Variants in NFATC2 observed in about 807,000 individuals in gnomAD.
The protein encoded by NFATC2 is nuclear factor of activated T cells 2.
NFATC2 carries 22 observed loss-of-function variants against 87.3 expected under a neutral mutation model. The ratio of observed to expected loss-of-function variants is 0.25; its 90% CI spans 0.18 to 0.36. The LOEUF (loss-of-function observed/expected upper bound fraction) is 0.36. Among genes scored for constraint, NFATC2 ranks in the 10% least tolerant of loss-of-function variants. The pLI is 1.00. For missense variants in NFATC2, 1,149 were observed against 1,259.1 expected, an observed-to-expected ratio of 0.91 and a Z score of 1.32; for synonymous variants, 565 against 542.2, an observed-to-expected ratio of 1.04 and a Z score of -0.58.
At chr20:51,438,804 G>C (rs146544228) in intron 6 of NFATC2, among the ~76,000 whole-genome samples, 28 of 152,306 alleles carry the variant, frequency 1.8e-4, no homozygotes, top group Admixed American at 7.2e-4. Context: ...TTAGAAACTA[G>C]CCAGCCCTGC....
At chr20:51,485,854 G>A (rs1393175557) in intron 3 of NFATC2, among the ~76,000 whole-genome samples, 1 of 152,170 alleles carries the variant, frequency 6.6e-6, no homozygotes, top group Non-Finnish European at 1.5e-5. Flanking sequence ...CTATGGCTGG[G>A]TGACTTGTGG....
At chr20:51,515,976 C>CA (rs1353190758) in intron 3 of NFATC2, among the ~76,000 whole-genome samples, 1 of 151,668 alleles carries the variant, frequency 6.6e-6, no homozygotes, top group Non-Finnish European at 1.5e-5. Context: ...AGGCAAATAC[C>CA]AAAAAAAGTT....
chr20:51,398,781 T>C (rs1987631575), intron 9 of NFATC2, 51 bp from the exon 10 acceptor site: 1 of 1,251,988 alleles, frequency 8.0e-7, no homozygotes, highest in African/African-American at 1.5e-5. Context: ...AAAATCACCT[T>C]TGATCTCTCT....
At chr20:51,399,581 G>A (rs567371375) in intron 9 of NFATC2, among the ~76,000 whole-genome samples, 29 of 152,320 alleles carry the variant, frequency 1.9e-4, no homozygotes, top group South Asian at 4.1e-4. Context: ...TCCTTTCAGC[G>A]CTTATGCAGT....
At chr20:51,472,124 G>A (rs1473552734) in intron 5 of NFATC2, among the ~76,000 whole-genome samples, 1 of 152,178 alleles carries the variant, frequency 6.6e-6, no homozygotes, top group Non-Finnish European at 1.5e-5. Context: ...GCGTGGTAGT[G>A]GGTGCCTGTA....
intron 6 of NFATC2, among the ~76,000 whole-genome samples, chr20:51,445,611 C>T (rs931407953): frequency 6.6e-6 from 1 of 152,164 alleles, no homozygotes; most frequent in African/African-American, 2.4e-5. Flanking sequence ...CTATATTTTC[C>T]CCCCTAACTC....
At position 51,562,413 on chromosome 20, in the gene NFATC2, C is replaced by A; in HGVS notation, c.70+147G>T. ...CGCGGGCGCCCCTCCGCGGGCCCCGCTACCTGTGCGCCGAGGGCGAGCGGG... is the reference window on the plus strand; with the variant it reads ...CGCGGGCGCCCCTCCGCGGGCCCCGATACCTGTGCGCCGAGGGCGAGCGGG... On this transcript the variant is annotated intron_variant, in intron 1 of 10. Coordinates refer to the NFATC2 transcript ENST00000414705. This position sits in a 1 kb window ranked among gnomAD's most constrained non-coding sequence, Gnocchi z 5.8. 1 of 696,596 alleles carries A rather than the reference C, an allele frequency of 1.4e-6. No homozygotes were observed. Among genetic ancestry groups the A allele is most frequent in the East Asian group, 3.0e-5 (1 of 33,808 alleles). The allele number at this position is 696,596 out of a possible 1,614,324, so 43.2% of individuals were successfully genotyped here.
intron 10 of NFATC2, 29 bp downstream of exon 10, chr20:51,398,614 C>G: frequency 6.7e-7 from 1 of 1,502,826 alleles, no homozygotes; most frequent in Non-Finnish European, 9.0e-7. Flanking sequence ...AGCTGGAAAA[C>G]AAAAGGAGAA....
intron 3 of NFATC2, among the ~76,000 whole-genome samples, chr20:51,513,800 C>T (rs1158935669): frequency 6.6e-6 from 1 of 152,264 alleles, no homozygotes; most frequent in African/African-American, 2.4e-5. Context: ...GATGACAAGG[C>T]TCATACTGGA....
chr20:51,520,013 T>C (rs549782035), intron 2 of NFATC2, among the ~76,000 whole-genome samples: 6 of 152,212 alleles, frequency 3.9e-5, no homozygotes, highest in African/African-American at 1.4e-4. Context: ...CTGTATAAGC[T>C]GAGATCAATG....
chr20:51,551,957 G>A (rs2076937830), intron 1 of NFATC2, among the ~76,000 whole-genome samples: 2 of 152,056 alleles, frequency 1.3e-5, no homozygotes, highest in South Asian at 2.1e-4. Context: ...AACCTGGGAG[G>A]TGGAGCTTGC....
At chr20:51,435,101 C>T in intron 8 of NFATC2, 87 bp downstream of exon 8, 1 of 1,532,294 alleles carries the variant, frequency 6.5e-7, no homozygotes, top group Non-Finnish European at 8.8e-7. Flanking sequence ...TCCAAAGTTA[C>T]CCGGCTAGGA....
In NFATC2 at chr20:51,396,038, G is replaced by GTATATATATATA. The variant is rs1161908517; in HGVS notation, c.*44+2593_*44+2604dup. Among the ~76,000 whole-genome samples, 8 of 21,292 alleles carry GTATATATATATA rather than the reference G, an allele frequency of 3.8e-4. 1 individual carries two copies. Among genetic ancestry groups the GTATATATATATA allele is most frequent in the South Asian group, 1.4e-3 (1 of 718 alleles). 14.0% of individuals were successfully genotyped at this position (21,292 alleles called of 152,430 possible). A position where few individuals can be genotyped will look rare whatever the true frequency, so the allele number is the denominator to read the frequency against. ...GCTGTAGTTTGTCAGCTCCTAGTAT[G>GTATATATATATA]TATATATATATATATATATATATAT... On this transcript the variant is annotated intron_variant, in intron 10 of 10. Transcript: ENST00000371564.
chr20:51,542,668 C>G lies in NFATC2; in HGVS notation c.-169G>C. ...CGCGCCTGGCGCAGCGGGTCCTGGA[C>G]GCGCCCGGGGAAGCTGAGCGGCGGC... On this transcript the variant is annotated 5_prime_UTR_variant, in exon 1 of 11. Transcript: ENST00000371564. The G allele has an allele frequency of 1.8e-6, 2 of 1,119,904 alleles. No homozygotes were observed. The highest frequency in any genetic ancestry group is 1.7e-5 in the African/African-American group (1 of 60,090). 69.4% of individuals were successfully genotyped at this position (1,119,904 alleles called of 1,614,324 possible). A position where few individuals can be genotyped will look rare whatever the true frequency, so the allele number is the denominator to read the frequency against.
intron 10 of NFATC2, among the ~76,000 whole-genome samples, chr20:51,392,533 A>G (rs1986477016): frequency 6.6e-6 from 1 of 152,156 alleles, no homozygotes; most frequent in Admixed American, 6.5e-5. Context: ...GTGACAGCCC[A>G]TCCATGAGGC....
chr20:51,421,735 T>C (rs1041464923), intron 9 of NFATC2, among the ~76,000 whole-genome samples: 1 of 152,048 alleles, frequency 6.6e-6, no homozygotes, highest in Non-Finnish European at 1.5e-5. Flanking sequence ...CAATCCCCGG[T>C]TTTTCAACAC....
At chr20:51,508,739 C>G (rs1386365047) in intron 3 of NFATC2, among the ~76,000 whole-genome samples, 1 of 152,148 alleles carries the variant, frequency 6.6e-6, no homozygotes, top group African/African-American at 2.4e-5. Context: ...GCTACAGCCC[C>G]AGACAGACAG....
chr20:51,440,236 C>CAAA lies in NFATC2; in HGVS notation c.1850-4478_1850-4476dup, dbSNP rs34071345. Among the ~76,000 whole-genome samples the CAAA allele has an allele frequency of 4.0e-3, 384 of 97,184 alleles. 14 individuals are homozygous for CAAA. The highest frequency in any genetic ancestry group is 0.018 in the African/African-American group (360 of 20,126). 63.8% of individuals were successfully genotyped at this position (97,184 alleles called of 152,430 possible). A position where few individuals can be genotyped will look rare whatever the true frequency, so the allele number is the denominator to read the frequency against. On this transcript the variant is annotated intron_variant, in intron 6 of 10. Transcript: ENST00000371564. ...GGGCAACAAGAGCAAAACTCCATCT[C>CAAA]AAAAAAAAAAAAAAAAAAAAAATGT... is the stretch of plus-strand genomic sequence containing the variant.
At chr20:51,416,201 G>A (rs1980017550) in intron 9 of NFATC2, among the ~76,000 whole-genome samples, 1 of 152,146 alleles carries the variant, frequency 6.6e-6, no homozygotes, top group African/African-American at 2.4e-5. Context: ...GGCAGAGGTT[G>A]CAGCGAACCG....
Sources: allele counts gnomAD v4.1 joint callset (sites outside exome capture counted in the v4.1 genomes callset), GRCh38; gene constraint gnomAD v4.1.1; non-coding constraint Gnocchi (gnomAD v3.1); transcripts MANE v1.5; gene names NCBI Gene and HGNC (gene_info 2026-07-23, HGNC 2026-07-21).